C10orf88: variants seen among roughly 807,000 people sequenced by gnomAD.
C10orf88 encodes the protein chromosome 10 open reading frame 88, also known as ATPase PAAT.
A neutral mutation model predicts 34.2 loss-of-function variants in C10orf88; 29 were observed. The observed-to-expected ratio is 0.85, with a 90% CI of 0.63 to 1.16. The LOEUF is 1.16. Among genes scored for constraint, C10orf88 ranks in the 50% most tolerant of loss-of-function variants. The pLI is 0.00. For missense variants in C10orf88, 507 were observed against 533.2 expected, an observed-to-expected ratio of 0.95 and a Z score of 0.48; for synonymous variants, 194 against 197.4, an observed-to-expected ratio of 0.98 and a Z score of 0.15.
At chr10:122,944,745 G>A (rs1848622219) in intron 4 of C10orf88, among the ~76,000 whole-genome samples, 2 of 151,432 alleles carry the variant, frequency 1.3e-5, no homozygotes, top group Admixed American at 1.3e-4. Context: ...TCTTAATAAA[G>A]CTCAAATCTC....
intron 4 of C10orf88, among the ~76,000 whole-genome samples, chr10:122,942,630 G>A (rs375304490): frequency 7.0e-4 from 104 of 148,996 alleles, no homozygotes; most frequent in African/African-American, 2.3e-3. Context: ...AAACCCCATC[G>A]TCTCAGCCCA....
intron 2 of C10orf88, among the ~76,000 whole-genome samples, 162 bp downstream of exon 2, chr10:122,952,667 T>C (rs966539738): frequency 6.6e-6 from 1 of 152,266 alleles, no homozygotes; most frequent in Non-Finnish European, 1.5e-5. Flanking sequence ...CACTGTCTTT[T>C]AAGATCTCTA....
intron 4 of C10orf88, among the ~76,000 whole-genome samples, chr10:122,947,870 T>C (rs1185420684): frequency 6.6e-6 from 1 of 152,222 alleles, no homozygotes; most frequent in East Asian, 1.9e-4. Context: ...GGCTCCATCA[T>C]TTTAGCATCA....
chr10:122,952,402 A>C (rs1848698541), intron 2 of C10orf88, among the ~76,000 whole-genome samples: 1 of 152,244 alleles, frequency 6.6e-6, no homozygotes, highest in South Asian at 2.1e-4. Context: ...GTTAATAAAT[A>C]GGTTTATGTA....
At chr10:122,947,319 C>A (rs1194012076) in intron 4 of C10orf88, among the ~76,000 whole-genome samples, 2 of 152,150 alleles carry the variant, frequency 1.3e-5, no homozygotes, top group Admixed American at 1.3e-4. Context: ...ACAAGGAGTT[C>A]TTTACTTGCA....
intron 4 of C10orf88, among the ~76,000 whole-genome samples, chr10:122,942,220 A>G (rs1305663888): frequency 6.6e-6 from 1 of 152,164 alleles, no homozygotes; most frequent in Non-Finnish European, 1.5e-5. Context: ...ATCTTCCATT[A>G]AAAGAGTTAT....
At chr10:122,946,612 T>G (rs1281559811) in intron 4 of C10orf88, among the ~76,000 whole-genome samples, 6 of 152,146 alleles carry the variant, frequency 3.9e-5, no homozygotes, top group African/African-American at 1.4e-4. Flanking sequence ...CTTGTTTACA[T>G]GAAGCTTGTC....
At chr10:122,936,994 T>G (rs1042729211) in intron 5 of C10orf88, among the ~76,000 whole-genome samples, 4 of 152,016 alleles carry the variant, frequency 2.6e-5, no homozygotes, top group African/African-American at 9.7e-5. Flanking sequence ...ATCCTGTTGG[T>G]TGGTGGTGGC....
chr10:122,944,773 CTTAT>C (rs1315411194), intron 4 of C10orf88, among the ~76,000 whole-genome samples: 1 of 151,738 alleles, frequency 6.6e-6, no homozygotes, highest in Non-Finnish European at 1.5e-5. Flanking sequence ...TTTCAAATTC[CTTAT>C]TTATCTTCAA....
Position 122,954,002 on chromosome 10 carries a change from C to A in C10orf88, c.164+13G>T. 6.6e-7 allele frequency: 1 copy of A among 1,509,766 alleles called. No individual in the cohort carries two copies. Among genetic ancestry groups the A allele is most frequent in the Non-Finnish European group, 8.8e-7 (1 of 1,133,862 alleles). 93.5% of individuals were successfully genotyped at this position (1,509,766 alleles called of 1,614,324 possible). On this transcript the variant is annotated intron_variant, in intron 1 of 5. Transcript: ENST00000481909. ...CCGAGCATAGCGACCCCGTCCCCGT[C>A]GGCCCGGCGCACCCTGGAGCAGGCG...
rs576917874 is a variant in C10orf88, at chr10:122,952,831, G to C, written c.366C>G (p.Asp122Glu). Reference protein sequence around the residue: ...RGKNVCTVLDDSEHEKIILYK... With the variant: ...RGKNVCTVLDESEHEKIILYK... ...TTTCCCGTGTACAAGTCACACACCT[G>C]TCATCCAGGACAGTACAAACATTCT... The change falls in exon 2 of 6, where the codon GAC becomes GAG. Residue 122 changes from aspartate (D) to glutamate (E), a missense_variant and splice_region_variant. Coordinates refer to ENST00000481909, the MANE Select transcript of C10orf88 (RefSeq NM_024942.4). 4 of 1,614,016 alleles carry C rather than the reference G, an allele frequency of 2.5e-6. No individual in the cohort carries two copies. The Admixed American group carries it at 6.7e-5, about 27-fold the overall frequency.
At chr10:122,949,847 T>C (rs1848674482) in intron 3 of C10orf88, among the ~76,000 whole-genome samples, 1 of 152,206 alleles carries the variant, frequency 6.6e-6, no homozygotes, top group African/African-American at 2.4e-5. Context: ...AATGCAATCC[T>C]TTCAAATTCA....
At chr10:122,934,359 C>T (rs1324508951) in intron 5 of C10orf88, among the ~76,000 whole-genome samples, 2 of 152,158 alleles carry the variant, frequency 1.3e-5, no homozygotes, top group Admixed American at 6.5e-5. Flanking sequence ...AGTCTTCTTT[C>T]CCTAATACCT....
chr10:122,944,628 G>T (rs1181698399), intron 4 of C10orf88, among the ~76,000 whole-genome samples: 1 of 152,072 alleles, frequency 6.6e-6, no homozygotes, highest in Non-Finnish European at 1.5e-5. Flanking sequence ...CTCTGGGATT[G>T]AGTAGATAGT....
chr10:122,949,575 T>C (rs1477617854), intron 3 of C10orf88, among the ~76,000 whole-genome samples: 2 of 152,222 alleles, frequency 1.3e-5, no homozygotes, highest in Non-Finnish European at 2.9e-5. Flanking sequence ...CAGACAGGAC[T>C]GAGCAGGATG....
At chr10:122,953,662 T>G (rs1161948027) in intron 1 of C10orf88, among the ~76,000 whole-genome samples, 1 of 152,240 alleles carries the variant, frequency 6.6e-6, no homozygotes, top group Non-Finnish European at 1.5e-5. Context: ...ATAGCTGGAC[T>G]TTTTACACAG....
intron 4 of C10orf88, among the ~76,000 whole-genome samples, chr10:122,944,023 G>T (rs1294408153): frequency 4.0e-5 from 6 of 151,782 alleles, no homozygotes; most frequent in Non-Finnish European, 7.4e-5. Flanking sequence ...TCCCATTACT[G>T]GGTATATACC....
intron 5 of C10orf88, among the ~76,000 whole-genome samples, chr10:122,935,665 T>C (rs1186526932): frequency 6.6e-6 from 1 of 151,914 alleles, no homozygotes; most frequent in African/African-American, 2.4e-5. Context: ...TAAAAAATCA[T>C]GCTCGATTTT....
intron 4 of C10orf88, among the ~76,000 whole-genome samples, chr10:122,938,547 C>T (rs1848555470): frequency 6.6e-6 from 1 of 152,050 alleles, no homozygotes; most frequent in Non-Finnish European, 1.5e-5. Flanking sequence ...AACTGAGTCA[C>T]AAGAACCGGT....
Sources: gnomAD v4.1 joint callset for allele counts (sites outside exome capture counted in the v4.1 genomes callset) on GRCh38, gnomAD v4.1.1 for gene constraint, MANE v1.5 for transcripts, NCBI Gene and HGNC (gene_info 2026-07-23, HGNC 2026-07-21) for gene names.